Variants in ARAP2 observed in about 807,000 individuals in gnomAD.
ARAP2 encodes the protein ArfGAP with RhoGAP domain, ankyrin repeat and PH domain 2.
A neutral mutation model predicts 194.5 loss-of-function variants in ARAP2; 148 were observed. The observed-to-expected ratio is 0.76, with a 90% CI of 0.67 to 0.87. ARAP2 has a LOEUF of 0.87. Among genes scored for constraint, ARAP2 ranks in the 40% least tolerant of loss-of-function variants. The probability of loss-of-function intolerance (pLI) is 0.00; values close to 1 mark genes in which losing one functional copy is unlikely to be tolerated. For missense variants in ARAP2, 2,128 were observed against 1,989.7 expected (o/e 1.07, Z -1.32); for synonymous variants, 695 against 683.5 (o/e 1.02, Z -0.26).
Position 36,214,418 on chromosome 4 carries a change from T to C in ARAP2, c.964+4A>G, listed in dbSNP as rs762656123. ...TTAAGGAGACATTAAACACATAGAC[T>C]CACTTTGCCATGCCACAGATTTTTC... On this transcript the variant is annotated splice_donor_region_variant and intron_variant, in intron 3 of 32. Coordinates refer to ENST00000303965, the MANE Select transcript of ARAP2 (RefSeq NM_015230.4). The C allele has an allele frequency of 1.9e-6, 3 of 1,594,632 alleles. No individual in the cohort carries two copies. The highest frequency in any genetic ancestry group is 2.6e-6 in the Non-Finnish European group (3 of 1,168,244).
chr4:36,226,424 A>T (rs1304226338), intron 2 of ARAP2, among the ~76,000 whole-genome samples: 1 of 152,214 alleles, frequency 6.6e-6, no homozygotes, highest in Admixed American at 6.5e-5. Flanking sequence ...ATTCCCCTGA[A>T]AGAAATTAAC....
At chr4:36,232,911 G>A (rs1429632343) in intron 1 of ARAP2, among the ~76,000 whole-genome samples, 2 of 152,150 alleles carry the variant, frequency 1.3e-5, no homozygotes, top group African/African-American at 2.4e-5. Context: ...TTAATAAACA[G>A]CCCTTTCCTT....
chr4:36,244,546 G>A (rs144091121), upstream of ARAP2: 3,190 of 151,676 alleles, frequency 0.021, 67 homozygotes, highest in African/African-American at 0.052. Flanking sequence ...CAGGCGCCCC[G>A]CGCGGGGGAA....
At position 36,242,804 on chromosome 4, in the gene ARAP2, A is replaced by ATAAATACG. The variant is rs562810649; in HGVS notation, c.-160+1367_-160+1374dup. Among the ~76,000 whole-genome samples, 37 of 152,302 alleles carry ATAAATACG rather than the reference A, an allele frequency of 2.4e-4. No homozygotes were observed. In the South Asian group the frequency reaches 5.8e-3, roughly 24 times the overall value. ...AATACAAACACAAGCACACACCCAT[A>ATAAATACG]TAAATACGTTTTAACAAGCTCTCTC... On this transcript the variant is annotated intron_variant, in intron 1 of 32. Transcript: ENST00000303965.
intron 5 of ARAP2, among the ~76,000 whole-genome samples, chr4:36,020,120 C>T (rs528250889): frequency 7.9e-5 from 12 of 152,230 alleles, no homozygotes; most frequent in Admixed American, 2.0e-4. Flanking sequence ...TATAATACCA[C>T]GACAATCAGA....
At chr4:36,027,633 G>A (rs1718156333) in intron 5 of ARAP2, among the ~76,000 whole-genome samples, 1 of 151,870 alleles carries the variant, frequency 6.6e-6, no homozygotes, top group African/African-American at 2.4e-5. Flanking sequence ...TTATTATCAT[G>A]TATCTATTAC....
downstream of ARAP2, among the ~76,000 whole-genome samples, chr4:36,061,292 G>A (rs1026298552): frequency 2.6e-5 from 4 of 152,064 alleles, no homozygotes; most frequent in African/African-American, 9.7e-5. Flanking sequence ...CAAATGCTAG[G>A]TCTTATTGAT....
At chr4:36,177,151 T>C (rs1274553557) in intron 9 of ARAP2, among the ~76,000 whole-genome samples, 1 of 152,062 alleles carries the variant, frequency 6.6e-6, no homozygotes, top group African/African-American at 2.4e-5. Context: ...GCTAACAGGA[T>C]TTGTTAAAAT....
chr4:36,119,631 T>G lies in ARAP2; in HGVS notation c.3963+19A>C, dbSNP rs758320275. On this transcript the variant is annotated intron_variant, in intron 24 of 32. Transcript: ENST00000303965. ...TTTGTTTTGTTTAATTATTTAGAGA[T>G]CTAACTATTACTACTCACTTGGGTG... is the stretch of plus-strand genomic sequence containing the variant. 8 of 1,537,656 alleles carry G rather than the reference T, an allele frequency of 5.2e-6. No individual in the cohort carries two copies. Among genetic ancestry groups the G allele is most frequent in the Middle Eastern group, 3.4e-4 (2 of 5,884 alleles).
chr4:36,240,454 T>C (rs1753297578), intron 1 of ARAP2, among the ~76,000 whole-genome samples: 1 of 152,190 alleles, frequency 6.6e-6, no homozygotes, highest in South Asian at 2.1e-4. Flanking sequence ...CCTGAAGACT[T>C]AACACCTGGG....
At position 36,060,814 on chromosome 4, in the gene ARAP2, T is replaced by C. The variant is rs1215426622; in HGVS notation, n.148-2671A>G. Among the ~76,000 whole-genome samples the C allele has an allele frequency of 2.0e-5, 3 of 152,158 alleles. No individual in the cohort carries two copies. In the East Asian group the frequency reaches 5.8e-4, roughly 29 times the overall value. On this transcript the variant is annotated intron_variant and non_coding_transcript_variant, in intron 1 of 12. Coordinates refer to the ARAP2 transcript ENST00000503225. ...GGCATCCCCAGTGTCTCTTTGTATG[T>C]CCTAATTTCCTCTTAGGACACCAGT...
At chr4:36,207,353 C>T (rs1745772864) in intron 6 of ARAP2, among the ~76,000 whole-genome samples, 1 of 152,174 alleles carries the variant, frequency 6.6e-6, no homozygotes, top group African/African-American at 2.4e-5. Context: ...TGAAATACAG[C>T]CCCCCAAATT....
At chr4:36,196,865 T>A (rs549783698) in intron 6 of ARAP2, among the ~76,000 whole-genome samples, 167 of 151,694 alleles carry the variant, frequency 1.1e-3, no homozygotes, top group African/African-American at 3.7e-3. Context: ...TATGCCATTG[T>A]CTCTGCTTGG....
chr4:36,009,068 GA>G (rs1340110274), intron 9 of ARAP2, among the ~76,000 whole-genome samples: 1 of 151,962 alleles, frequency 6.6e-6, no homozygotes, highest in Non-Finnish European at 1.5e-5. Context: ...TGAGGCTCTG[GA>G]AAAAAAGAAA....
At chr4:36,043,837 AGGGGAGGGGGG>A (rs1721323109) in intron 5 of ARAP2, among the ~76,000 whole-genome samples, 1 of 53,918 alleles carries the variant, frequency 1.9e-5, no homozygotes, top group Non-Finnish European at 3.5e-5. Flanking sequence ...AGGGGAGGGG[AGGGGAGGGGGG>A]AGGGGAGGGG....
chr4:36,126,236 C>T (rs913707356), intron 21 of ARAP2, among the ~76,000 whole-genome samples: 1 of 151,956 alleles, frequency 6.6e-6, no homozygotes, highest in Non-Finnish European at 1.5e-5. Context: ...TTTATCCTCG[C>T]GTTATCCAGT....
chr4:36,166,462 T>C (rs1735308843), intron 10 of ARAP2, among the ~76,000 whole-genome samples: 1 of 152,112 alleles, frequency 6.6e-6, no homozygotes, highest in Admixed American at 6.5e-5. Context: ...CAATAGGTGC[T>C]ATGAGATTCA....
intron 30 of ARAP2, among the ~76,000 whole-genome samples, 162 bp downstream of exon 30, chr4:36,082,089 T>C (rs1729690627): frequency 6.6e-6 from 1 of 152,096 alleles, no homozygotes; most frequent in South Asian, 2.1e-4. Context: ...CTGATACAAA[T>C]CTGTTTTCCT....
chr4:36,010,819 C>T (rs770482242), intron 9 of ARAP2, among the ~76,000 whole-genome samples: 1 of 152,064 alleles, frequency 6.6e-6, no homozygotes, highest in Non-Finnish European at 1.5e-5. Flanking sequence ...ATTTCCTGGC[C>T]GGCTTTTGTG....
Sources: gnomAD v4.1 joint callset for allele counts (sites outside exome capture counted in the v4.1 genomes callset) on GRCh38, gnomAD v4.1.1 for gene constraint, MANE v1.5 for transcripts, NCBI Gene and HGNC (gene_info 2026-07-23, HGNC 2026-07-21) for gene names.